SNTG1: variants seen among roughly 807,000 people sequenced by gnomAD.
The protein encoded by SNTG1 is gamma-1-syntrophin.
SNTG1 carries 39 observed loss-of-function variants against 74.7 expected under a neutral mutation model. The ratio of observed to expected loss-of-function variants is 0.52; its 90% CI spans 0.40 to 0.68. The LOEUF is 0.68. Among genes scored for constraint, SNTG1 ranks in the 30% least tolerant of loss-of-function variants. The pLI is 0.00. For synonymous variants in SNTG1, 254 were observed against 217.1 expected, an observed-to-expected ratio of 1.17 and a Z score of -1.49; for missense variants, 685 against 609.5, an observed-to-expected ratio of 1.12 and a Z score of -1.30.
chr8:50,304,068 T>A (rs899987099), intron 2 of SNTG1, among the ~76,000 whole-genome samples: 8 of 152,186 alleles, frequency 5.3e-5, no homozygotes, highest in African/African-American at 1.7e-4. Context: ...TTAATTACCA[T>A]ATGATGGAAT....
chr8:50,701,661 T>C lies in SNTG1; in HGVS notation c.1039-2939T>C, dbSNP rs576275619. ...CTTCTTCCTCCTCTTTTTCTTCCTC[T>C]TCTTCTTCTTCCTTCTTCTTCTTCT... On this transcript the variant is annotated intron_variant, in intron 15 of 18. Coordinates refer to ENST00000642720, the MANE Select transcript of SNTG1 (RefSeq NM_018967.5). Among the ~76,000 whole-genome samples, 178 of 145,568 alleles carry C rather than the reference T, an allele frequency of 1.2e-3. 1 individual carries two copies. The highest frequency in any genetic ancestry group is 4.7e-3 in the African/African-American group (173 of 36,468).
chr8:49,958,379 T>C (rs936998382), intron 1 of SNTG1, among the ~76,000 whole-genome samples: 1 of 151,960 alleles, frequency 6.6e-6, no homozygotes, highest in Non-Finnish European at 1.5e-5. Context: ...GGCAGTGTCC[T>C]ACAATTCCAG....
intron 16 of SNTG1, among the ~76,000 whole-genome samples, chr8:50,707,444 T>C (rs1357966742): frequency 6.6e-6 from 1 of 151,964 alleles, no homozygotes; most frequent in Non-Finnish European, 1.5e-5. Context: ...CCATTAAGTA[T>C]GTTCTTTAGT....
At chr8:49,920,053 T>C (rs1342557036) in intron 1 of SNTG1, among the ~76,000 whole-genome samples, 1 of 152,108 alleles carries the variant, frequency 6.6e-6, no homozygotes, top group Non-Finnish European at 1.5e-5. Flanking sequence ...TTTCTCAACT[T>C]AAGAATCCTT....
intron 1 of SNTG1, among the ~76,000 whole-genome samples, chr8:50,074,654 G>GA (rs1821666849): frequency 6.6e-6 from 1 of 152,188 alleles, no homozygotes; most frequent in Non-Finnish European, 1.5e-5. Context: ...TAATAATAAT[G>GA]AAAAAGTTAA....
chr8:50,536,838 T>A (rs200076694), intron 11 of SNTG1, 30 bp downstream of exon 11: 1 of 1,607,300 alleles, frequency 6.2e-7, no homozygotes, highest in East Asian at 2.2e-5. Flanking sequence ...TTATGACTGT[T>A]TTGTTTATGA....
chr8:50,500,053 C>A (rs2093937913), intron 8 of SNTG1, among the ~76,000 whole-genome samples: 1 of 151,236 alleles, frequency 6.6e-6, no homozygotes, highest in African/African-American at 2.4e-5. Context: ...TGGCAGGATT[C>A]TTTTGAGGTT....
intron 1 of SNTG1, among the ~76,000 whole-genome samples, chr8:49,916,415 A>G (rs756748230): frequency 4.6e-5 from 7 of 152,206 alleles, no homozygotes; most frequent in South Asian, 4.1e-4. Context: ...CAGCAAAGAT[A>G]AAGTGATCAT....
At chr8:50,607,673 C>T (rs1260829234) in intron 13 of SNTG1, among the ~76,000 whole-genome samples, 1 of 151,388 alleles carries the variant, frequency 6.6e-6, no homozygotes, top group Non-Finnish European at 1.5e-5. Context: ...TCTGTGACTT[C>T]TTCGTTGTCT....
At chr8:50,411,592 A>T (rs1272281688) in intron 4 of SNTG1, among the ~76,000 whole-genome samples, 1 of 152,096 alleles carries the variant, frequency 6.6e-6, no homozygotes, top group Non-Finnish European at 1.5e-5. Context: ...ACAGAAAGAT[A>T]ATACAAAGGC....
intron 1 of SNTG1, among the ~76,000 whole-genome samples, chr8:50,169,809 C>T (rs973824893): frequency 6.6e-6 from 1 of 152,104 alleles, no homozygotes; most frequent in Admixed American, 6.6e-5. Context: ...AGTGTAGTGG[C>T]TTGCACTTGT....
chr8:50,337,832 C>T (rs754363924), intron 2 of SNTG1, among the ~76,000 whole-genome samples: 25 of 152,172 alleles, frequency 1.6e-4, no homozygotes, highest in Non-Finnish European at 2.8e-4. Flanking sequence ...GAGGATATAA[C>T]TTTATTTAAG....
chr8:50,555,783 T>A (rs1037975217), intron 12 of SNTG1, among the ~76,000 whole-genome samples: 4 of 152,078 alleles, frequency 2.6e-5, no homozygotes, highest in Non-Finnish European at 1.5e-5. Flanking sequence ...AAATAATAAG[T>A]TTGACAGTTT....
At chr8:50,075,107 ACTCAGGGCCTGCAGC>A (rs1319166080) in intron 1 of SNTG1, among the ~76,000 whole-genome samples, 1 of 152,078 alleles carries the variant, frequency 6.6e-6, no homozygotes, top group African/African-American at 2.4e-5. Context: ...GAAAAGTAGG[ACTCAGGGCCTGCAGC>A]CTGCCATGCC....
intron 15 of SNTG1, among the ~76,000 whole-genome samples, chr8:50,661,455 T>G (rs1026745870): frequency 1.3e-5 from 2 of 152,302 alleles, no homozygotes; most frequent in East Asian, 3.9e-4. Context: ...TGCCTGTATA[T>G]TTACATTCTG....
At chr8:50,137,160 C>T (rs904694606) in intron 1 of SNTG1, among the ~76,000 whole-genome samples, 1 of 152,174 alleles carries the variant, frequency 6.6e-6, no homozygotes, top group Non-Finnish European at 1.5e-5. Flanking sequence ...TGTATTTAAA[C>T]ATCCTCCCAT....
intron 2 of SNTG1, among the ~76,000 whole-genome samples, chr8:50,350,263 G>A (rs116370049): frequency 0.014 from 2,155 of 152,162 alleles, 59 homozygotes; most frequent in African/African-American, 0.049. Context: ...CTGCTCCACC[G>A]GAGCCCAGTC....
At chr8:50,036,819 A>G (rs911350047) in intron 1 of SNTG1, among the ~76,000 whole-genome samples, 7 of 152,186 alleles carry the variant, frequency 4.6e-5, no homozygotes, top group Non-Finnish European at 1.0e-4. Flanking sequence ...GAAATATTAT[A>G]CCATCTTTTA....
chr8:50,515,780 TGAAA>T (rs1252303036), intron 9 of SNTG1, among the ~76,000 whole-genome samples: 1 of 151,534 alleles, frequency 6.6e-6, no homozygotes, highest in Non-Finnish European at 1.5e-5. Context: ...AGGGCATCTC[TGAAA>T]GAAAGGCAGC....
Sources: allele counts gnomAD v4.1 joint callset (sites outside exome capture counted in the v4.1 genomes callset), GRCh38; gene constraint gnomAD v4.1.1; transcripts MANE v1.5; gene names NCBI Gene and HGNC (gene_info 2026-07-23, HGNC 2026-07-21).